CDH18: variants seen among roughly 807,000 people sequenced by gnomAD.
CDH18 encodes the protein cadherin 18.
Under a neutral mutation model 67.9 loss-of-function variants are expected in CDH18, and 31 were observed. The ratio of observed to expected loss-of-function variants is 0.46; its 90% CI spans 0.34 to 0.62. The LOEUF is 0.62. Ranked by LOEUF, CDH18 falls within the 20% of genes least tolerant of loss-of-function variation. CDH18 has a pLI of 0.01. For missense variants in CDH18, 890 were observed against 975.5 expected (o/e 0.91, Z 1.17); for synonymous variants, 362 against 347.2 (o/e 1.04, Z -0.48).
chr5:20,095,419 GAAAGAAAGAAAGAAAGAAAGAAAGA>G lies in CDH18; in HGVS notation c.-517-103430_-517-103406del, dbSNP rs1413879114. Among the ~76,000 whole-genome samples the G allele has an allele frequency of 3.3e-5, 4 of 122,792 alleles. No homozygotes were observed. In the East Asian group the frequency reaches 1.0e-3, roughly 31 times the overall value. The allele number at this position is 122,792 out of a possible 152,430, so 80.6% of individuals were successfully genotyped here. On this transcript the variant is annotated intron_variant, in intron 2 of 14. Transcript: ENST00000507958. ...AGAAAGAAAGAAAGAAAGAAAGAAA[GAAAGAAAGAAAGAAAGAAAGAAAGA>G]AAAGAAAGAAAGAAAGAAGAAAGAA...
rs1746969374 is a variant in CDH18, at chr5:20,413,382, A to AC, written c.-579-157878dup. ...TCTAGCTGTAGATCCTTGAGGAATT[A>AC]CCACACTGTCTTCCACAATGGTTGA... is the stretch of plus-strand genomic sequence containing the variant. On this transcript the variant is annotated intron_variant, in intron 1 of 14. Transcript: ENST00000507958. 5.9e-5 allele frequency among the ~76,000 whole-genome samples: 9 copies of AC among 152,316 alleles called. No individual in the cohort carries two copies. The South Asian group carries it at 1.9e-3, about 32-fold the overall frequency.
At chr5:20,528,603 C>G (rs771954477) in intron 1 of CDH18, among the ~76,000 whole-genome samples, 4 of 152,022 alleles carry the variant, frequency 2.6e-5, no homozygotes, top group Non-Finnish European at 4.4e-5. Flanking sequence ...GAAACCCACT[C>G]AAAACCACAC....
chr5:19,675,724 G>A (rs182552555), intron 5 of CDH18, among the ~76,000 whole-genome samples: 2,287 of 152,072 alleles, frequency 0.015, 32 homozygotes, highest in Middle Eastern at 0.044. Flanking sequence ...TTCATCCTCA[G>A]CTTACGAAGA....
At chr5:19,731,567 T>G (rs540724890) in intron 4 of CDH18, among the ~76,000 whole-genome samples, 1 of 152,346 alleles carries the variant, frequency 6.6e-6, no homozygotes, top group East Asian at 1.9e-4. Context: ...TTGCAGATTC[T>G]TATTTTAAAA....
chr5:19,951,251 T>C (rs1308984114), intron 2 of CDH18, among the ~76,000 whole-genome samples: 1 of 152,176 alleles, frequency 6.6e-6, no homozygotes, highest in Non-Finnish European at 1.5e-5. Context: ...TTAAATTCTC[T>C]ACAGATAAAT....
chr5:20,123,886 C>CAAAAAA (rs11292634), intron 2 of CDH18, among the ~76,000 whole-genome samples: 1 of 87,240 alleles, frequency 1.1e-5, no homozygotes, highest in Non-Finnish European at 2.3e-5. Flanking sequence ...GACTCCGTCT[C>CAAAAAA]AAAAAAAAAA....
intron 2 of CDH18, among the ~76,000 whole-genome samples, chr5:19,994,733 A>ATC (rs1735799749): frequency 9.4e-5 from 1 of 10,630 alleles, no homozygotes; most frequent in East Asian, 4.0e-3. Flanking sequence ...ATATATATAT[A>ATC]TATATAGAGA....
intron 2 of CDH18, among the ~76,000 whole-genome samples, chr5:20,029,766 T>C (rs112210654): frequency 0.02 from 3,043 of 152,344 alleles, 46 homozygotes; most frequent in African/African-American, 0.033. Flanking sequence ...TTAGTTTCTT[T>C]TCCTGTGTAA....
intron 2 of CDH18, among the ~76,000 whole-genome samples, chr5:20,201,942 G>C (rs1357422453): frequency 6.6e-6 from 1 of 152,174 alleles, no homozygotes; most frequent in Non-Finnish European, 1.5e-5. Context: ...AGTGACATGA[G>C]AAAAATTTGA....
intron 2 of CDH18, among the ~76,000 whole-genome samples, chr5:20,251,501 A>G (rs1743855456): frequency 6.6e-6 from 1 of 152,242 alleles, no homozygotes; most frequent in Non-Finnish European, 1.5e-5. Flanking sequence ...GCATCCAAAA[A>G]GTATTTTCAG....
intron 2 of CDH18, among the ~76,000 whole-genome samples, chr5:20,170,076 C>T (rs1036736130): frequency 6.6e-6 from 1 of 151,766 alleles, no homozygotes; most frequent in African/African-American, 2.4e-5. Flanking sequence ...AGGTTTGTTA[C>T]ATATGTAAAT....
chr5:20,560,930 A>C (rs934569248), intron 1 of CDH18, among the ~76,000 whole-genome samples: 2 of 152,152 alleles, frequency 1.3e-5, no homozygotes, highest in Non-Finnish European at 2.9e-5. Context: ...TAAGAAAATT[A>C]ACAAACTAAA....
In CDH18 at chr5:20,357,587, C is replaced by T. The variant is rs142094670; in HGVS notation, c.-579-102082G>A. Among the ~76,000 whole-genome samples, 5 of 152,082 alleles carry T rather than the reference C, an allele frequency of 3.3e-5. No homozygotes were observed. The East Asian group carries it at 9.7e-4, about 29-fold the overall frequency. On this transcript the variant is annotated intron_variant, in intron 1 of 14. Coordinates refer to the CDH18 transcript ENST00000507958. ...TTCATCTCTGATCATCAGAGAAATGCAAATCAAAGCTACAAATAGACATCA... is the reference window on the plus strand; with the variant it reads ...TTCATCTCTGATCATCAGAGAAATGTAAATCAAAGCTACAAATAGACATCA...
At chr5:19,615,041 G>T (rs1749597687) in intron 5 of CDH18, among the ~76,000 whole-genome samples, 2 of 152,106 alleles carry the variant, frequency 1.3e-5, no homozygotes, top group South Asian at 4.1e-4. Context: ...CAGCTACTCA[G>T]GAGGCTGAGA....
intron 5 of CDH18, among the ~76,000 whole-genome samples, chr5:19,670,161 G>GA (rs1553997503): frequency 1.3e-5 from 2 of 151,880 alleles, no homozygotes. Flanking sequence ...AGCAGGAAAG[G>GA]AAAAAATAAG....
Position 20,136,213 on chromosome 5 carries a change from T to C in CDH18, c.-518+119231A>G, listed in dbSNP as rs190025951. On this transcript the variant is annotated intron_variant, in intron 2 of 14. Transcript: ENST00000507958. ...GGGGTATTGAAGTCTCCCATTATTA[T>C]TGTGTGGGAGTCTAAGTCTCTTTGT... Among the ~76,000 whole-genome samples, 971 of 152,264 alleles carry C rather than the reference T, an allele frequency of 6.4e-3. 4 individuals carry two copies. Among genetic ancestry groups the C allele is most frequent in the Middle Eastern group, 0.01 (3 of 292 alleles).
intron 2 of CDH18, among the ~76,000 whole-genome samples, chr5:19,956,464 T>C (rs1796266997): frequency 6.6e-6 from 1 of 151,948 alleles, no homozygotes; most frequent in Admixed American, 6.6e-5. Context: ...TATTGATTAC[T>C]GGTAAATTCT....
At chr5:20,302,310 G>C (rs1205754573) in intron 1 of CDH18, among the ~76,000 whole-genome samples, 2 of 152,042 alleles carry the variant, frequency 1.3e-5, no homozygotes, top group Non-Finnish European at 2.9e-5. Context: ...AACGTCAATC[G>C]GGCAGGGCCG....
chr5:20,488,122 T>C (rs145509382), intron 1 of CDH18, among the ~76,000 whole-genome samples: 46 of 152,270 alleles, frequency 3.0e-4, no homozygotes, highest in African/African-American at 9.9e-4. Flanking sequence ...TTTTCAAATT[T>C]CAACAATTTA....
Sources: allele counts gnomAD v4.1 joint callset (sites outside exome capture counted in the v4.1 genomes callset), GRCh38; gene constraint gnomAD v4.1.1; transcripts MANE v1.5; gene names NCBI Gene and HGNC (gene_info 2026-07-23, HGNC 2026-07-21).